The following COPG2 variants were observed in gnomAD, a reference collection of about 807,000 sequenced individuals.
COPG2 encodes coatomer subunit gamma-2.
COPG2 carries 37 observed loss-of-function variants against 46.3 expected under a neutral mutation model. That is an observed-to-expected ratio of 0.80 (90% confidence interval 0.61 to 1.05). The LOEUF (loss-of-function observed/expected upper bound fraction) is 1.05. Ranked by LOEUF, COPG2 falls within the 50% of genes least tolerant of loss-of-function variation. The pLI, the probability that COPG2 is intolerant of heterozygous loss-of-function variation, is 0.00. For synonymous variants in COPG2, 159 were observed against 129.7 expected, an observed-to-expected ratio of 1.23 and a Z score of -1.53; for missense variants, 427 against 387.8, an observed-to-expected ratio of 1.10 and a Z score of -0.85.
At chr7:130,615,129 T>G (rs573783052) in intron 6 of COPG2, among the ~76,000 whole-genome samples, 1 of 152,242 alleles carries the variant, frequency 6.6e-6, no homozygotes, top group Non-Finnish European at 1.5e-5. Flanking sequence ...TCCTTGGCTT[T>G]GCAGTTCTAG....
intron 5 of COPG2, among the ~76,000 whole-genome samples, chr7:130,650,804 T>C (rs1450758429): frequency 6.6e-6 from 1 of 152,192 alleles, no homozygotes; most frequent in African/African-American, 2.4e-5. Context: ...AGGACCCCTC[T>C]AGCCTTGAAT....
In COPG2 at chr7:130,521,496, C is replaced by T. The variant is rs932449507; in HGVS notation, c.2150-12837G>A. Among the ~76,000 whole-genome samples, 239 of 152,174 alleles carry T rather than the reference C, an allele frequency of 1.6e-3. 6 individuals are homozygous for T. The highest frequency in any genetic ancestry group is 0.012 in the Admixed American group (186 of 15,288). On this transcript the variant is annotated intron_variant, in intron 20 of 23. Coordinates refer to ENST00000425248, the MANE Select transcript of COPG2 (RefSeq NM_012133.6). ...TTAGTGAATACACAGGAGTGACACA[C>T]AGTGTATGGGTGGTTAACAATGTGC...
chr7:130,568,691 T>A (rs1443355505), intron 9 of COPG2, among the ~76,000 whole-genome samples: 2 of 152,172 alleles, frequency 1.3e-5, no homozygotes, highest in Non-Finnish European at 2.9e-5. Context: ...GGACTTAAAC[T>A]ATACCCTACA....
chr7:130,594,705 T>C (rs1473719538), intron 9 of COPG2, among the ~76,000 whole-genome samples: 2 of 152,148 alleles, frequency 1.3e-5, no homozygotes, highest in Admixed American at 6.5e-5. Flanking sequence ...AGATTTTAAA[T>C]AGGCATCTCT....
intron 5 of COPG2, among the ~76,000 whole-genome samples, chr7:130,628,179 A>G (rs1795150867): frequency 6.6e-6 from 1 of 152,082 alleles, no homozygotes; most frequent in Non-Finnish European, 1.5e-5. Flanking sequence ...TCCTCAAATC[A>G]GTCTGTGGTC....
chr7:130,610,526 G>A (rs782570205), intron 9 of COPG2: 37 of 519,596 alleles, frequency 7.1e-5, no homozygotes, highest in South Asian at 3.1e-4. Flanking sequence ...CCTAGCCTTC[G>A]AAAGACTGCT....
intron 9 of COPG2, among the ~76,000 whole-genome samples, chr7:130,570,643 A>G (rs144267674): frequency 1.3e-5 from 2 of 152,200 alleles, no homozygotes; most frequent in East Asian, 3.9e-4. Flanking sequence ...CAAATTCAAC[A>G]TAATTCCCAT....
chr7:130,532,652 C>A (rs1427710999), intron 20 of COPG2, among the ~76,000 whole-genome samples: 1 of 151,998 alleles, frequency 6.6e-6, no homozygotes, highest in Non-Finnish European at 1.5e-5. Context: ...GAGGCAGAGG[C>A]TCCCCAGAAT....
chr7:130,516,307 A>C (rs1422095691), intron 20 of COPG2, among the ~76,000 whole-genome samples: 12 of 152,272 alleles, frequency 7.9e-5, no homozygotes, highest in Admixed American at 7.8e-4. Context: ...GCTTATCTGA[A>C]GAGTAGAAAA....
intron 20 of COPG2, among the ~76,000 whole-genome samples, chr7:130,544,075 A>G (rs1452513768): frequency 6.6e-6 from 1 of 152,194 alleles, no homozygotes; most frequent in Non-Finnish European, 1.5e-5. Context: ...GGGTGGCTGA[A>G]TCAAATGTTC....
intron 20 of COPG2, among the ~76,000 whole-genome samples, chr7:130,509,475 G>A (rs1166673744): frequency 6.6e-6 from 1 of 152,142 alleles, no homozygotes; most frequent in Non-Finnish European, 1.5e-5. Flanking sequence ...GATATTGGGA[G>A]AGTTAAAAAG....
intron 3 of COPG2, among the ~76,000 whole-genome samples, chr7:130,663,730 CTTTTTTTTT>C (rs71178602): frequency 1.3e-4 from 9 of 67,148 alleles, no homozygotes; most frequent in Non-Finnish European, 2.1e-4. Context: ...CATTTCTTTT[CTTTTTTTTT>C]TTTTTTTTTT....
intron 9 of COPG2, among the ~76,000 whole-genome samples, chr7:130,597,151 C>T (rs1165239400): frequency 6.6e-6 from 1 of 152,222 alleles, no homozygotes; most frequent in Admixed American, 6.5e-5. Context: ...CCCCCAGACT[C>T]CTGCTAGTCC....
chr7:130,532,272 A>T (rs1016278819), intron 20 of COPG2, among the ~76,000 whole-genome samples: 162 of 152,350 alleles, frequency 1.1e-3, no homozygotes, highest in Non-Finnish European at 1.5e-3. Flanking sequence ...CCTCGGTCCC[A>T]GACTGGAGGA....
At chr7:130,510,651 C>T (rs895919774) in intron 20 of COPG2, among the ~76,000 whole-genome samples, 1 of 152,102 alleles carries the variant, frequency 6.6e-6, no homozygotes, top group East Asian at 1.9e-4. Flanking sequence ...ATATAAGGAC[C>T]TGATACAGAG....
chr7:130,591,029 C>A (rs1162573506), intron 9 of COPG2, among the ~76,000 whole-genome samples: 48 of 151,746 alleles, frequency 3.2e-4, no homozygotes, highest in African/African-American at 1.1e-3. Flanking sequence ...GCAGCCACCC[C>A]CTCCAGGAGG....
intron 20 of COPG2, chr7:130,510,047 T>A (rs1272719316): frequency 1.9e-6 from 1 of 517,892 alleles, no homozygotes; most frequent in East Asian, 5.5e-5. Flanking sequence ...AGGAATAAAT[T>A]GTAAAATACC....
chr7:130,624,593 C>A (rs191900870), intron 5 of COPG2, among the ~76,000 whole-genome samples: 2 of 152,182 alleles, frequency 1.3e-5, no homozygotes, highest in African/African-American at 2.4e-5. Flanking sequence ...CTTCCAAGCC[C>A]CAAAGTCCAT....
intron 20 of COPG2, among the ~76,000 whole-genome samples, chr7:130,541,115 G>A (rs1799931912): frequency 6.6e-6 from 1 of 152,180 alleles, no homozygotes; most frequent in Non-Finnish European, 1.5e-5. Flanking sequence ...TCAGGGTCAA[G>A]ACTGTCAGGT....
Sources: allele counts gnomAD v4.1 joint callset (sites outside exome capture counted in the v4.1 genomes callset), GRCh38; gene constraint gnomAD v4.1.1; transcripts MANE v1.5; gene names NCBI Gene and HGNC (gene_info 2026-07-23, HGNC 2026-07-21).